The following MSRA variants were observed in gnomAD, a reference collection of about 807,000 sequenced individuals.
MSRA encodes the protein methionine sulfoxide reductase A.
In MSRA, 54 loss-of-function variants were observed where a neutral mutation model predicts 31.3. That is an observed-to-expected ratio of 1.73 (90% CI 1.39 to 2.17). The LOEUF (loss-of-function observed/expected upper bound fraction) is 2.17. Among genes scored for constraint, MSRA ranks in the 30% most tolerant of loss-of-function variants. MSRA has a pLI of 0.00. For missense variants in MSRA, 507 were observed against 300.9 expected (o/e 1.69, Z -5.07); for synonymous variants, 169 against 116.5 (o/e 1.45, Z -2.90).
chr8:10,343,044 C>G (rs968542768), intron 5 of MSRA, among the ~76,000 whole-genome samples: 23 of 115,778 alleles, frequency 2.0e-4, no homozygotes, highest in Middle Eastern at 4.7e-3. Flanking sequence ...CACACACACA[C>G]ACACACACAG....
chr8:10,072,114 C>T (rs1196662577), intron 1 of MSRA, among the ~76,000 whole-genome samples: 1 of 151,916 alleles, frequency 6.6e-6, no homozygotes, highest in African/African-American at 2.4e-5. Context: ...TGACACACAC[C>T]CTTAAGCAGA....
chr8:10,348,244 T>A (rs943875467), intron 5 of MSRA, among the ~76,000 whole-genome samples: 3 of 152,182 alleles, frequency 2.0e-5, no homozygotes, highest in African/African-American at 7.2e-5. Flanking sequence ...AGTAAATTGC[T>A]TTGTATTTGA....
chr8:10,117,833 T>C (rs1800796570), intron 1 of MSRA, among the ~76,000 whole-genome samples: 2 of 152,202 alleles, frequency 1.3e-5, no homozygotes, highest in Non-Finnish European at 2.9e-5. Flanking sequence ...TTACTCTCAT[T>C]TTCAGTCATG....
chr8:10,402,730 C>A (rs1268271816), intron 5 of MSRA, among the ~76,000 whole-genome samples: 1 of 152,122 alleles, frequency 6.6e-6, no homozygotes, highest in Non-Finnish European at 1.5e-5. Context: ...TGCAGATGGC[C>A]AAGCTCTTCT....
intron 3 of MSRA, among the ~76,000 whole-genome samples, chr8:10,285,329 CTTATTTT>C (rs1799876753): frequency 6.6e-6 from 1 of 152,088 alleles, no homozygotes; most frequent in Non-Finnish European, 1.5e-5. Flanking sequence ...AAGCATTTCC[CTTATTTT>C]TTATTTTTTG....
At chr8:10,076,255 G>A (rs1797991432) in intron 1 of MSRA, among the ~76,000 whole-genome samples, 1 of 152,222 alleles carries the variant, frequency 6.6e-6, no homozygotes, top group African/African-American at 2.4e-5. Context: ...CGTCCAGTAG[G>A]GACACTTAGG....
intron 2 of MSRA, among the ~76,000 whole-genome samples, chr8:10,241,996 A>G (rs1222137024): frequency 1.3e-5 from 2 of 152,158 alleles, no homozygotes; most frequent in African/African-American, 2.4e-5. Context: ...AGACAGCCGG[A>G]TGTGGTGGCT....
At chr8:10,244,999 G>C in intron 2 of MSRA, 105 bp from the exon 3 acceptor site, 3 of 1,011,614 alleles carry the variant, frequency 3.0e-6, no homozygotes, top group South Asian at 2.5e-5. Flanking sequence ...CAAATGACAG[G>C]AGCAACTTTT....
intron 5 of MSRA, among the ~76,000 whole-genome samples, chr8:10,364,860 T>A (rs1805065717): frequency 6.6e-6 from 1 of 152,166 alleles, no homozygotes; most frequent in Non-Finnish European, 1.5e-5. Flanking sequence ...AGTTGTCAAT[T>A]TCATGTGCGT....
chr8:10,361,537 A>G (rs1563394017), intron 5 of MSRA, among the ~76,000 whole-genome samples: 2 of 152,132 alleles, frequency 1.3e-5, no homozygotes, highest in Non-Finnish European at 2.9e-5. Flanking sequence ...GGTGCAAGCC[A>G]GTCCTTGCAT....
chr8:10,258,858 G>A (rs1798318649), intron 3 of MSRA, among the ~76,000 whole-genome samples: 2 of 152,218 alleles, frequency 1.3e-5, no homozygotes, highest in Non-Finnish European at 2.9e-5. Flanking sequence ...TGTAATCCCA[G>A]CACTTTGGGA....
In MSRA at chr8:10,054,299, G is replaced by T. The variant is rs887196474; in HGVS notation, c.-218G>T. The stretch of plus-strand genomic sequence containing the variant: ...CGCCGGGCCACACCCCCTGTCCAGG[G>T]AAGGAACACGCCCCCGGTGACAGCC... On this transcript the variant is annotated 5_prime_UTR_variant, in exon 1 of 6. Transcript: ENST00000317173. 1 of 359,674 alleles carries T rather than the reference G, an allele frequency of 2.8e-6. No individual in the cohort carries two copies. Among genetic ancestry groups the T allele is most frequent in the African/African-American group, 2.2e-5 (1 of 46,300 alleles). 22.3% of individuals were successfully genotyped at this position (359,674 alleles called of 1,614,324 possible).
chr8:10,227,510 C>T (rs1054621233), intron 2 of MSRA, among the ~76,000 whole-genome samples: 4 of 152,144 alleles, frequency 2.6e-5, no homozygotes, highest in African/African-American at 9.7e-5. Flanking sequence ...CCCTTCCAAC[C>T]TTGGAATTCT....
At chr8:10,167,672 C>G (rs924704168) in intron 1 of MSRA, among the ~76,000 whole-genome samples, 1 of 152,156 alleles carries the variant, frequency 6.6e-6, no homozygotes, top group Non-Finnish European at 1.5e-5. Context: ...CCCCTACATC[C>G]TAACCTTTGT....
intron 5 of MSRA, among the ~76,000 whole-genome samples, chr8:10,372,166 C>A (rs1805515605): frequency 6.6e-6 from 1 of 152,130 alleles, no homozygotes; most frequent in African/African-American, 2.4e-5. Context: ...GCAGGGCCTT[C>A]CCACCTTTTG....
At chr8:10,270,207 A>G (rs1798957123) in intron 3 of MSRA, among the ~76,000 whole-genome samples, 1 of 152,190 alleles carries the variant, frequency 6.6e-6, no homozygotes, top group Non-Finnish European at 1.5e-5. Context: ...TGTCTTTGAA[A>G]GTTTTACTTA....
At chr8:10,278,909 C>G (rs541559211) in intron 3 of MSRA, among the ~76,000 whole-genome samples, 1 of 152,148 alleles carries the variant, frequency 6.6e-6, no homozygotes, top group South Asian at 2.1e-4. Flanking sequence ...GTCTTACTGG[C>G]ACCATGTAGG....
chr8:10,322,289 A>C (rs73193585), intron 5 of MSRA, among the ~76,000 whole-genome samples: 1 of 151,834 alleles, frequency 6.6e-6, no homozygotes, highest in African/African-American at 2.4e-5. Flanking sequence ...AAGAGAAGTA[A>C]GACTGGATGC....
intron 1 of MSRA, among the ~76,000 whole-genome samples, chr8:10,148,866 T>G (rs1156857433): frequency 6.7e-6 from 1 of 149,466 alleles, no homozygotes; most frequent in Non-Finnish European, 1.5e-5. Flanking sequence ...TGAGAAGTAA[T>G]TAAAGACATG....
Sources: allele counts gnomAD v4.1 joint callset (sites outside exome capture counted in the v4.1 genomes callset), GRCh38; gene constraint gnomAD v4.1.1; transcripts MANE v1.5; gene names NCBI Gene and HGNC (gene_info 2026-07-23, HGNC 2026-07-21).